Variants in WRN observed in about 807,000 individuals in gnomAD.
The protein encoded by WRN is bifunctional 3'-5' exonuclease/ATP-dependent helicase WRN.
Under a neutral mutation model 180.7 loss-of-function variants are expected in WRN, and 149 were observed. The observed-to-expected ratio is 0.82, with a 90% CI of 0.72 to 0.94. WRN has a LOEUF of 0.94. Ranked by LOEUF, WRN falls within the 40% of genes least tolerant of loss-of-function variation. The probability of loss-of-function intolerance (pLI) is 0.00; values close to 1 mark genes in which losing one functional copy is unlikely to be tolerated. For synonymous variants in WRN, 548 were observed against 568.9 expected (o/e 0.96, Z 0.52); for missense variants, 1,661 against 1,700.1 (o/e 0.98, Z 0.40).
At chr8:31,056,963 C>T (rs1250824264) in intron 1 of WRN, among the ~76,000 whole-genome samples, 1 of 151,770 alleles carries the variant, frequency 6.6e-6, no homozygotes, top group East Asian at 1.9e-4. Context: ...GGAGATCTTG[C>T]AGTCTCTCTC....
chr8:31,170,963 T>G (rs1437780890), intron 34 of WRN, among the ~76,000 whole-genome samples: 1 of 152,242 alleles, frequency 6.6e-6, no homozygotes, highest in African/African-American at 2.4e-5. Flanking sequence ...TACCAATTAA[T>G]GAGTTTGAAG....
chr8:31,086,168 A>AT (rs149435903), intron 11 of WRN, among the ~76,000 whole-genome samples: 2,788 of 150,624 alleles, frequency 0.019, 68 homozygotes, highest in African/African-American at 0.064. Flanking sequence ...CCCATTATGC[A>AT]TTTTTTTATT....
At chr8:31,067,848 G>T (rs1812772272) in intron 6 of WRN, among the ~76,000 whole-genome samples, 2 of 152,034 alleles carry the variant, frequency 1.3e-5, no homozygotes, top group South Asian at 4.1e-4. Flanking sequence ...AAACTCCTTT[G>T]AATTGTAACC....
At chr8:31,166,529 A>G (rs1366652204) in intron 33 of WRN, among the ~76,000 whole-genome samples, 1 of 152,190 alleles carries the variant, frequency 6.6e-6, no homozygotes, top group Non-Finnish European at 1.5e-5. Flanking sequence ...TTGTTATTAC[A>G]ATAATAGCCA....
chr8:31,115,570 C>G (rs1801486417), intron 19 of WRN, among the ~76,000 whole-genome samples: 1 of 151,960 alleles, frequency 6.6e-6, no homozygotes, highest in South Asian at 2.1e-4. Flanking sequence ...AATTAGAATC[C>G]TAAAATTGAA....
intron 19 of WRN, among the ~76,000 whole-genome samples, chr8:31,115,803 A>G (rs964799195): frequency 1.3e-5 from 2 of 152,208 alleles, no homozygotes; most frequent in Non-Finnish European, 2.9e-5. Context: ...TACAAAATAC[A>G]TTCTAACAGA....
chr8:31,148,960 T>A (rs1802979102), intron 30 of WRN, among the ~76,000 whole-genome samples: 1 of 152,234 alleles, frequency 6.6e-6, no homozygotes, highest in Non-Finnish European at 1.5e-5. Flanking sequence ...CAAGAATAGT[T>A]GCTTGGTAAT....
intron 8 of WRN, among the ~76,000 whole-genome samples, chr8:31,076,522 A>G (rs925456618): frequency 2.0e-5 from 3 of 152,162 alleles, no homozygotes; most frequent in African/African-American, 7.2e-5. Context: ...AAACAAAGGA[A>G]TAGAAATTGT....
At chr8:31,147,179 C>G (rs1802891930) in intron 29 of WRN, 51 bp downstream of exon 29, 1 of 1,566,778 alleles carries the variant, frequency 6.4e-7, no homozygotes, top group African/African-American at 1.4e-5. Context: ...AGTTATGATT[C>G]TATGTATGCT....
intron 19 of WRN, among the ~76,000 whole-genome samples, chr8:31,114,940 G>A (rs1310672346): frequency 6.8e-6 from 1 of 147,524 alleles, no homozygotes; most frequent in African/African-American, 2.5e-5. Flanking sequence ...CTGTCGCCCA[G>A]GCTGTAATGC....
intron 1 of WRN, among the ~76,000 whole-genome samples, chr8:31,048,960 T>A (rs988578000): frequency 6.6e-6 from 1 of 151,956 alleles, no homozygotes; most frequent in Non-Finnish European, 1.5e-5. Flanking sequence ...TCAGACTAGT[T>A]GTAAACCTCC....
chr8:31,167,852 G>A (rs1162607166), intron 34 of WRN, among the ~76,000 whole-genome samples: 1 of 152,052 alleles, frequency 6.6e-6, no homozygotes, highest in African/African-American at 2.4e-5. Context: ...TCTATTAAAT[G>A]ATGGCATAAA....
intron 24 of WRN, among the ~76,000 whole-genome samples, chr8:31,140,966 A>C (rs986105181): frequency 6.6e-6 from 1 of 152,094 alleles, no homozygotes; most frequent in Non-Finnish European, 1.5e-5. Flanking sequence ...CATGTTAGCC[A>C]TGATGGTCTC....
At chr8:31,166,684 A>C (rs1803875354) in intron 33 of WRN, among the ~76,000 whole-genome samples, 2 of 152,184 alleles carry the variant, frequency 1.3e-5, no homozygotes, top group Non-Finnish European at 2.9e-5. Flanking sequence ...TATAATTGAT[A>C]TTTGGAATTG....
At chr8:31,154,251 A>G (rs1167381648) in intron 31 of WRN, among the ~76,000 whole-genome samples, 1 of 152,072 alleles carries the variant, frequency 6.6e-6, no homozygotes, top group Non-Finnish European at 1.5e-5. Context: ...CTAAATTTGA[A>G]TAGTGATTCT....
chr8:31,094,771 C>T (rs1813891165), intron 16 of WRN, among the ~76,000 whole-genome samples: 1 of 152,164 alleles, frequency 6.6e-6, no homozygotes, highest in Non-Finnish European at 1.5e-5. Flanking sequence ...GCATCTTCCA[C>T]TTAGCATAGT....
Position 31,064,349 on chromosome 8 carries a change from T to C in WRN, c.270T>C (p.Asn90=), listed in dbSNP as rs148758902. The C allele has an allele frequency of 6.8e-6, 11 of 1,614,122 alleles. No individual in the cohort carries two copies. Among genetic ancestry groups the C allele is most frequent in the East Asian group, 2.2e-5 (1 of 44,856 alleles). ...ACATGGAGTGGCCACCATTATACAA[T>C]AGAGGGAAACTTGGCAAAGTTGCAC... The part of the protein sequence containing the change: ...GFDMEWPPLY[N]RGKLGKVALI... Residue 90 remains asparagine, a synonymous_variant, in exon 4 of 35, where the codon AAT becomes AAC. Coordinates refer to ENST00000298139, the MANE Select transcript of WRN (RefSeq NM_000553.6).
chr8:31,126,260 A>T (rs1275171687), intron 23 of WRN, among the ~76,000 whole-genome samples: 1 of 151,586 alleles, frequency 6.6e-6, no homozygotes, highest in Non-Finnish European at 1.5e-5. Context: ...GTCATAAAAC[A>T]AACCTTAACA....
intron 20 of WRN, among the ~76,000 whole-genome samples, chr8:31,116,883 A>G (rs983227774): frequency 2.6e-5 from 4 of 152,204 alleles, no homozygotes; most frequent in Non-Finnish European, 5.9e-5. Flanking sequence ...AAGAAGGACT[A>G]GCAGGTGCAA....
Sources: gnomAD v4.1 joint callset for allele counts (sites outside exome capture counted in the v4.1 genomes callset) on GRCh38, gnomAD v4.1.1 for gene constraint, MANE v1.5 for transcripts, NCBI Gene and HGNC (gene_info 2026-07-23, HGNC 2026-07-21) for gene names.